Variants in HSPA12A observed in about 807,000 individuals in gnomAD.
The protein encoded by HSPA12A is heat shock protein family A (Hsp70) member 12A, also known as heat shock 70 kDa protein 12A.
In HSPA12A, 28 loss-of-function variants were observed where a neutral mutation model predicts 69.2. The ratio of observed to expected loss-of-function variants is 0.40; its 90% CI spans 0.30 to 0.55. The LOEUF (loss-of-function observed/expected upper bound fraction) is 0.55, where lower values mean the gene tolerates loss of function less well. HSPA12A is among the 20% of genes least tolerant of loss of function. The pLI, the probability that HSPA12A is intolerant of heterozygous loss-of-function variation, is 0.38. For synonymous variants in HSPA12A, 345 were observed against 370.5 expected (o/e 0.93, Z 0.79); for missense variants, 686 against 900.7 (o/e 0.76, Z 3.05).
chr10:116,704,783 C>T (rs187207938), intron 3 of HSPA12A, among the ~76,000 whole-genome samples: 198 of 152,244 alleles, frequency 1.3e-3, no homozygotes, highest in African/African-American at 4.5e-3. Flanking sequence ...TTAGCAGGTT[C>T]AGCAATTGCC....
At chr10:116,705,357 C>T in intron 2 of HSPA12A, 79 bp from the exon 3 acceptor site, 2 of 1,511,076 alleles carry the variant, frequency 1.3e-6, no homozygotes, top group Non-Finnish European at 1.8e-6. Context: ...GGGGTCTCAC[C>T]TTGCCTAGCT....
At chr10:116,752,585 G>A (rs1361350272) in intron 2 of HSPA12A, among the ~76,000 whole-genome samples, 1 of 152,158 alleles carries the variant, frequency 6.6e-6, no homozygotes, top group Non-Finnish European at 1.5e-5. Context: ...ACTTCAACCA[G>A]TACCCTCATG....
chr10:116,708,967 T>C (rs537113364), intron 1 of HSPA12A, among the ~76,000 whole-genome samples: 1 of 152,298 alleles, frequency 6.6e-6, no homozygotes, highest in South Asian at 2.1e-4. Flanking sequence ...ACAACTGCTG[T>C]GGAAAAGAGT....
chr10:116,687,983 T>G (rs887231875), intron 6 of HSPA12A, among the ~76,000 whole-genome samples: 21 of 143,070 alleles, frequency 1.5e-4, no homozygotes, highest in Non-Finnish European at 2.0e-4. Flanking sequence ...ACATGATGAG[T>G]TTTTTTTTGC....
chr10:116,777,063 C>T (rs556404207), intron 2 of HSPA12A, among the ~76,000 whole-genome samples: 3 of 152,298 alleles, frequency 2.0e-5, no homozygotes, highest in Non-Finnish European at 4.4e-5. Flanking sequence ...CTGTGTAGCC[C>T]GCTGAATTGT....
chr10:116,740,454 C>T (rs1851451953), intron 1 of HSPA12A, among the ~76,000 whole-genome samples: 1 of 152,160 alleles, frequency 6.6e-6, no homozygotes, highest in African/African-American at 2.4e-5. Flanking sequence ...CAGGGACAGC[C>T]CGCTCTTCAG....
chr10:116,783,971 T>C (rs1427736894), intron 2 of HSPA12A, among the ~76,000 whole-genome samples: 2 of 152,244 alleles, frequency 1.3e-5, no homozygotes, highest in Admixed American at 1.3e-4. Context: ...CCCAAAGTGC[T>C]AGGATTACAG....
chr10:116,712,710 T>G (rs967961406), intron 1 of HSPA12A, among the ~76,000 whole-genome samples: 4 of 152,060 alleles, frequency 2.6e-5, no homozygotes, highest in Non-Finnish European at 5.9e-5. Flanking sequence ...CAAATGGCCG[T>G]GAGCAGAATC....
At chr10:116,726,818 G>A (rs1190773041) in intron 1 of HSPA12A, among the ~76,000 whole-genome samples, 1 of 152,162 alleles carries the variant, frequency 6.6e-6, no homozygotes, top group Non-Finnish European at 1.5e-5. Context: ...AGAACACTGA[G>A]AGCTCCCACA....
chr10:116,685,288 G>C (rs1849546958), intron 6 of HSPA12A, among the ~76,000 whole-genome samples: 1 of 152,072 alleles, frequency 6.6e-6, no homozygotes, highest in Non-Finnish European at 1.5e-5. Context: ...TGGGCAGAGG[G>C]GCTTGGGAGG....
chr10:116,845,269 A>C (rs1845861432), intron 1 of HSPA12A, among the ~76,000 whole-genome samples: 1 of 152,182 alleles, frequency 6.6e-6, no homozygotes, highest in Admixed American at 6.5e-5. Flanking sequence ...CTACTATTAC[A>C]TTGAGGGAGG....
intron 2 of HSPA12A, 45 bp downstream of exon 2, chr10:116,707,155 A>ACG: frequency 2.3e-5 from 3 of 131,346 alleles, no homozygotes; most frequent in South Asian, 1.9e-4. Context: ...CCATGCGCGC[A>ACG]CACACACACA....
At chr10:116,784,025 C>A (rs1554892082) in intron 2 of HSPA12A, among the ~76,000 whole-genome samples, 1 of 152,202 alleles carries the variant, frequency 6.6e-6, no homozygotes, top group Non-Finnish European at 1.5e-5. Context: ...TTTAAAATTA[C>A]ATAATTACAT....
chr10:116,725,520 A>AG (rs1850924978), intron 1 of HSPA12A, among the ~76,000 whole-genome samples: 2 of 152,230 alleles, frequency 1.3e-5, no homozygotes, highest in African/African-American at 4.8e-5. Flanking sequence ...CGAGCAGGGG[A>AG]GGGGCACCAG....
rs531315755 is a variant in HSPA12A at position 116,707,532 on chromosome 10, C to T, written c.41-247G>A. Among the ~76,000 whole-genome samples the T allele has an allele frequency of 5.3e-5, 8 of 152,358 alleles. No homozygotes were observed. The South Asian group carries it at 1.2e-3, about 24-fold the overall frequency. ...CTCCCAGTCGCCACCAGGCCTCTCA[C>T]TCTGTGCCACTCAACCCAGCTTAGT... On this transcript the variant is annotated intron_variant, in intron 1 of 11. Transcript: ENST00000369209.
chr10:116,781,812 C>T (rs1665660), intron 2 of HSPA12A, among the ~76,000 whole-genome samples: 152,209 of 152,294 alleles, frequency 1, 76,062 homozygotes, highest in Middle Eastern at 1. Flanking sequence ...TTGGGTCCAG[C>T]TATTCAATCT....
intron 3 of HSPA12A, among the ~76,000 whole-genome samples, chr10:116,703,565 A>G (rs1554881871): frequency 6.6e-6 from 1 of 151,992 alleles, no homozygotes; most frequent in East Asian, 1.9e-4. Flanking sequence ...CAACAACAAA[A>G]CTAAAAAATA....
At chr10:116,682,457 G>GT (rs1409590868) in intron 7 of HSPA12A, among the ~76,000 whole-genome samples, 1 of 141,000 alleles carries the variant, frequency 7.1e-6, no homozygotes, top group South Asian at 2.3e-4. Context: ...AAATAGACTG[G>GT]GGGGGGGGGC....
At chr10:116,827,729 C>T (rs1193316758) in intron 2 of HSPA12A, among the ~76,000 whole-genome samples, 1 of 152,172 alleles carries the variant, frequency 6.6e-6, no homozygotes, top group Non-Finnish European at 1.5e-5. Context: ...CTCCGAACTG[C>T]CCCTCTTCTC....
Sources: allele counts gnomAD v4.1 joint callset (sites outside exome capture counted in the v4.1 genomes callset), GRCh38; gene constraint gnomAD v4.1.1; transcripts MANE v1.5; gene names NCBI Gene and HGNC (gene_info 2026-07-23, HGNC 2026-07-21).